The following SMYD3 variants were observed in gnomAD, a reference collection of about 807,000 sequenced individuals.
The protein encoded by SMYD3 is SET and MYND domain containing 3.
In SMYD3, 36 loss-of-function variants were observed where a neutral mutation model predicts 57.7. The ratio of observed to expected loss-of-function variants is 0.62; its 90% CI spans 0.48 to 0.82. SMYD3 has a LOEUF of 0.82. Among genes scored for constraint, SMYD3 ranks in the 40% least tolerant of loss-of-function variants. SMYD3 has a pLI of 0.00. For synonymous variants in SMYD3, 211 were observed against 195.0 expected (o/e 1.08, Z -0.68); for missense variants, 515 against 538.8 (o/e 0.96, Z 0.44).
intron 1 of SMYD3, among the ~76,000 whole-genome samples, chr1:246,457,105 ATCTTAAT>A (rs1475073413): frequency 1.3e-5 from 2 of 152,174 alleles, no homozygotes; most frequent in African/African-American, 4.8e-5. Context: ...TTAAAACAGC[ATCTTAAT>A]TCATGTCCAT....
At chr1:246,066,732 C>CA (rs556315551) in intron 5 of SMYD3, among the ~76,000 whole-genome samples, 103 of 152,314 alleles carry the variant, frequency 6.8e-4, no homozygotes, top group Middle Eastern at 3.4e-3. Flanking sequence ...AACCTACTCA[C>CA]AGGTATTTAT....
At chr1:245,783,153 C>T (rs998018148) in intron 10 of SMYD3, among the ~76,000 whole-genome samples, 1 of 152,092 alleles carries the variant, frequency 6.6e-6, no homozygotes, top group Non-Finnish European at 1.5e-5. Flanking sequence ...ACATTGAATA[C>T]GGGCATAAGC....
intron 8 of SMYD3, among the ~76,000 whole-genome samples, chr1:245,866,514 C>G (rs777255260): frequency 7.2e-5 from 11 of 152,072 alleles, no homozygotes; most frequent in Non-Finnish European, 1.6e-4. Flanking sequence ...GGTGGATCAC[C>G]TGAGGTCAGG....
chr1:245,913,365 T>G (rs1251110766), intron 8 of SMYD3, among the ~76,000 whole-genome samples: 181 of 63,846 alleles, frequency 2.8e-3, no homozygotes, highest in Admixed American at 5.2e-3. Context: ...CCTGTTGTGG[T>G]GTGGGGGGAG....
chr1:246,229,062 C>T (rs190171177), intron 5 of SMYD3, among the ~76,000 whole-genome samples: 12 of 152,260 alleles, frequency 7.9e-5, no homozygotes, highest in Non-Finnish European at 1.6e-4. Flanking sequence ...AATAAAGCTA[C>T]ACTATTTGTT....
chr1:245,990,100 G>T (rs1394014615), intron 5 of SMYD3, among the ~76,000 whole-genome samples: 1 of 152,058 alleles, frequency 6.6e-6, no homozygotes, highest in Non-Finnish European at 1.5e-5. Context: ...CAGGGCCTCA[G>T]TCTGTGGCTC....
intron 5 of SMYD3, among the ~76,000 whole-genome samples, chr1:246,014,238 C>T (rs2059337446): frequency 6.6e-6 from 1 of 152,216 alleles, no homozygotes; most frequent in Non-Finnish European, 1.5e-5. Context: ...AGGAGAATTG[C>T]TTGAGCCCAG....
chr1:246,000,068 C>T (rs567128255), intron 5 of SMYD3, among the ~76,000 whole-genome samples: 64 of 152,320 alleles, frequency 4.2e-4, no homozygotes, highest in African/African-American at 1.5e-3. Flanking sequence ...CTAGTTTACA[C>T]TCAGTAATGG....
At chr1:245,852,931 C>T (rs2051050443) in intron 10 of SMYD3, among the ~76,000 whole-genome samples, 1 of 152,138 alleles carries the variant, frequency 6.6e-6, no homozygotes, top group Non-Finnish European at 1.5e-5. Flanking sequence ...GTATTTCACA[C>T]ATACGAACAC....
At chr1:246,093,999 C>T (rs75810265) in intron 5 of SMYD3, among the ~76,000 whole-genome samples, 5,118 of 152,070 alleles carry the variant, frequency 0.034, 296 homozygotes, top group African/African-American at 0.12. Context: ...ATCCCCTATG[C>T]GGACAGGGGC....
intron 3 of SMYD3, among the ~76,000 whole-genome samples, chr1:246,332,544 G>T (rs866097224): frequency 6.6e-6 from 1 of 152,212 alleles, no homozygotes; most frequent in Non-Finnish European, 1.5e-5. Flanking sequence ...GGTGGCTTAC[G>T]CCCACAATCT....
chr1:246,487,355 G>A (rs2068204530), intron 1 of SMYD3, among the ~76,000 whole-genome samples: 1 of 152,062 alleles, frequency 6.6e-6, no homozygotes, highest in African/African-American at 2.4e-5. Flanking sequence ...AGCTACTCAG[G>A]AGGCTAAGGC....
At chr1:245,822,683 A>T (rs2148345970) in intron 10 of SMYD3, among the ~76,000 whole-genome samples, 1 of 152,224 alleles carries the variant, frequency 6.6e-6, no homozygotes, top group Non-Finnish European at 1.5e-5. Flanking sequence ...GCTGAGGGTG[A>T]AGCCTCACTT....
At chr1:245,958,080 T>C (rs1470165123) in intron 5 of SMYD3, among the ~76,000 whole-genome samples, 1 of 152,152 alleles carries the variant, frequency 6.6e-6, no homozygotes, top group Non-Finnish European at 1.5e-5. Context: ...CAGCACTTTA[T>C]GAGGTGCCTG....
intron 5 of SMYD3, among the ~76,000 whole-genome samples, chr1:246,225,920 T>C (rs1354319693): frequency 6.6e-6 from 1 of 152,266 alleles, no homozygotes; most frequent in Non-Finnish European, 1.5e-5. Context: ...AGATGTAAGA[T>C]GCTCTTCTAA....
intron 1 of SMYD3, among the ~76,000 whole-genome samples, chr1:246,474,535 A>G (rs894805029): frequency 1.3e-5 from 2 of 151,872 alleles, no homozygotes; most frequent in Admixed American, 6.6e-5. Context: ...AAAAAAAAAA[A>G]AAAAAAGAAA....
At chr1:245,879,580 G>GT (rs1368117707) in intron 8 of SMYD3, among the ~76,000 whole-genome samples, 1 of 152,184 alleles carries the variant, frequency 6.6e-6, no homozygotes, top group Non-Finnish European at 1.5e-5. Context: ...AATTCTTAGG[G>GT]TTTTTCCTTT....
intron 5 of SMYD3, among the ~76,000 whole-genome samples, chr1:246,115,813 A>G (rs140199176): frequency 1.5e-3 from 224 of 152,368 alleles, no homozygotes; most frequent in African/African-American, 5.4e-3. Context: ...AAGAGATAAT[A>G]GATGAGCCAC....
intron 2 of SMYD3, 94 bp downstream of exon 2, chr1:246,354,936 TA>T: frequency 9.2e-7 from 1 of 1,087,554 alleles, no homozygotes; most frequent in Non-Finnish European, 1.4e-6. Context: ...TTAAAGGCTG[TA>T]AAGAAGTAGA....
Sources: gnomAD v4.1 joint callset for allele counts (sites outside exome capture counted in the v4.1 genomes callset) on GRCh38, gnomAD v4.1.1 for gene constraint, MANE v1.5 for transcripts, NCBI Gene and HGNC (gene_info 2026-07-23, HGNC 2026-07-21) for gene names.